The following ABCC11 variants were observed in gnomAD, a reference collection of about 807,000 sequenced individuals.
ABCC11 encodes ATP-binding cassette sub-family C member 11.
In ABCC11, 135 loss-of-function variants were observed where a neutral mutation model predicts 149.3. The observed-to-expected ratio is 0.90, with a 90% CI of 0.79 to 1.04. The LOEUF (loss-of-function observed/expected upper bound fraction) is 1.04. Among genes scored for constraint, ABCC11 ranks in the 50% least tolerant of loss-of-function variants. The pLI, the probability that ABCC11 is intolerant of heterozygous loss-of-function variation, is 0.00. For missense variants in ABCC11, 1,680 were observed against 1,722.1 expected, an observed-to-expected ratio of 0.98 and a Z score of 0.43; for synonymous variants, 665 against 671.4, an observed-to-expected ratio of 0.99 and a Z score of 0.15.
intron 17 of ABCC11, among the ~76,000 whole-genome samples, chr16:48,196,879 G>A (rs577405323): frequency 7.2e-5 from 11 of 152,274 alleles, no homozygotes; most frequent in South Asian, 4.1e-4. Flanking sequence ...CAAACATCAC[G>A]ACAGTGACTG....
intron 5 of ABCC11, 115 bp from the exon 6 acceptor site, chr16:48,222,946 T>C: frequency 2.2e-6 from 2 of 894,806 alleles, no homozygotes; most frequent in South Asian, 1.7e-5. Context: ...TGTTGAAGGA[T>C]CAAAACTGAC....
intron 1 of ABCC11, among the ~76,000 whole-genome samples, chr16:48,240,484 T>A (rs925825095): frequency 1.3e-5 from 2 of 151,540 alleles, no homozygotes; most frequent in African/African-American, 4.9e-5. Context: ...TGAGAACACA[T>A]GGTCACATGG....
At chr16:48,199,329 C>T (rs1967724409) in intron 15 of ABCC11, among the ~76,000 whole-genome samples, 1 of 151,728 alleles carries the variant, frequency 6.6e-6, no homozygotes, top group Non-Finnish European at 1.5e-5. Context: ...ATTGTTTAAT[C>T]TGGGTGGTAG....
At chr16:48,180,417 A>G (rs1966355333) in intron 23 of ABCC11, among the ~76,000 whole-genome samples, 1 of 152,244 alleles carries the variant, frequency 6.6e-6, no homozygotes, top group African/African-American at 2.4e-5. Flanking sequence ...ACAGAAAGGT[A>G]GAACGATCAA....
intron 3 of ABCC11, among the ~76,000 whole-genome samples, chr16:48,229,871 C>T (rs1340373666): frequency 1.3e-5 from 2 of 152,182 alleles, no homozygotes; most frequent in African/African-American, 2.4e-5. Context: ...TGACACTGGC[C>T]TCCTTCTTTC....
At chr16:48,227,756 C>T (rs760769849) in intron 4 of ABCC11, 50 bp downstream of exon 4, 1 of 1,610,330 alleles carries the variant, frequency 6.2e-7, no homozygotes, top group South Asian at 1.1e-5. Flanking sequence ...ATTATCCCAC[C>T]AAGAGATTGT....
At chr16:48,170,995 C>T (rs1965682415) in intron 26 of ABCC11, 28 bp from the exon 27 acceptor site, 2 of 1,553,524 alleles carry the variant, frequency 1.3e-6, no homozygotes, top group Non-Finnish European at 1.8e-6. Context: ...GAGAAGTGTT[C>T]AACAACATCA....
chr16:48,220,894 T>C (rs1969689509), intron 6 of ABCC11, among the ~76,000 whole-genome samples: 1 of 152,200 alleles, frequency 6.6e-6, no homozygotes, highest in Non-Finnish European at 1.5e-5. Flanking sequence ...TTTGTGTCTT[T>C]GAAGGGGGCT....
intron 1 of ABCC11, 86 bp from the exon 2 acceptor site, chr16:48,232,025 G>A (rs1970452980): frequency 2.5e-5 from 40 of 1,575,992 alleles, no homozygotes; most frequent in Non-Finnish European, 3.4e-5. Flanking sequence ...AGAAGAGGGG[G>A]CACTACCCTG....
In ABCC11 at chr16:48,193,879, C is replaced by T; in HGVS notation, c.2508G>A (p.Gly836=). 2 of 1,612,914 alleles carry T rather than the reference C, an allele frequency of 1.2e-6. No homozygotes were observed. Among genetic ancestry groups the T allele is most frequent in the South Asian group, 2.2e-5 (2 of 90,982 alleles). ...AGCCCATCCACCTCATGGCACTCAC[C>T]CCCGAGCCCTGCTCCAACCAGTAGC... The part of the protein sequence containing the change: ...WLSYWLEQGS[G]TNSSRESNGT... Residue 836 remains glycine, a splice_region_variant and synonymous_variant, in exon 19 of 30, where the codon GGG becomes GGA. Coordinates refer to ENST00000356608, the MANE Select transcript of ABCC11 (RefSeq NM_001370497.1).
At position 48,213,552 on chromosome 16, in the gene ABCC11, T is replaced by C. The variant is rs1350447534; in HGVS notation, c.1249-2A>G. The C allele has an allele frequency of 6.2e-7, 1 of 1,606,322 alleles. No homozygotes were observed. Among genetic ancestry groups the C allele is most frequent in the South Asian group, 1.1e-5 (1 of 89,608 alleles). On this transcript the variant is annotated splice_acceptor_variant, in intron 9 of 29. Coordinates refer to ENST00000356608, the MANE Select transcript of ABCC11 (RefSeq NM_001370497.1). LOFTEE classifies it high-confidence loss of function. Reference sequence around the variant, plus strand: ...CAAGGAGGCCAGCATGCTGAAGGCCTGGATAAGAAGGGGAGGAGGTGGTGA... The same window carrying C: ...CAAGGAGGCCAGCATGCTGAAGGCCCGGATAAGAAGGGGAGGAGGTGGTGA...
rs1965394849 is a variant in ABCC11 at position 48,167,348 on chromosome 16, G to T, written c.4075C>A (p.Pro1359Thr). 4.9e-6 allele frequency: 6 copies of T among 1,226,358 alleles called. No homozygotes were observed. The highest frequency in any genetic ancestry group is 6.1e-6 in the Non-Finnish European group (5 of 825,966). 76.0% of individuals were successfully genotyped at this position (1,226,358 alleles called of 1,614,324 possible). The stretch of plus-strand genomic sequence containing the variant: ...CCAGGCTTCTTCCGCAGTACCTCCG[G>T]CCGATCAAATTCTACCACCTGGAGG... ...GNGKVVEFDR[P>T]EVLRKKPGSL... Residue 1359 changes from proline (P) to threonine (T), a missense_variant, in exon 30 of 30, where the codon CCG becomes ACG. Physicochemically the swap from Pro to Thr is conservative, Grantham distance 38. Transcript: ENST00000356608.
chr16:48,192,473 A>T (rs780050239), intron 20 of ABCC11, 47 bp downstream of exon 20: 1 of 1,568,252 alleles, frequency 6.4e-7, no homozygotes, highest in Non-Finnish European at 8.7e-7. Context: ...GAAGCTGGGC[A>T]AGTTCAGAGC....
chr16:48,206,526 T>C lies in ABCC11; in HGVS notation c.1681-989A>G, dbSNP rs545288742. Among the ~76,000 whole-genome samples the C allele has an allele frequency of 7.9e-5, 12 of 152,362 alleles. No individual in the cohort carries two copies. The South Asian group carries it at 1.4e-3, about 18-fold the overall frequency. On this transcript the variant is annotated intron_variant, in intron 12 of 29. Transcript: ENST00000356608. ...CTTGGGACCTCATCATTCTTAATCC[T>C]TTCTCTTTTATACCCTAAAATGTTT... is the stretch of plus-strand genomic sequence containing the variant.
chr16:48,218,006 T>C (rs1344099505), intron 6 of ABCC11, among the ~76,000 whole-genome samples: 1 of 152,092 alleles, frequency 6.6e-6, no homozygotes, highest in African/African-American at 2.4e-5. Flanking sequence ...ATTTAAAAAG[T>C]CCATCCCAGG....
chr16:48,202,802 G>A (rs558797302), intron 14 of ABCC11, among the ~76,000 whole-genome samples: 21 of 152,126 alleles, frequency 1.4e-4, no homozygotes, highest in African/African-American at 3.6e-4. Context: ...CTTTTATCTC[G>A]GGTGAGGGTC....
chr16:48,187,437 C>CA lies in ABCC11; in HGVS notation c.2707-11dup. The stretch of plus-strand genomic sequence containing the variant: ...TGGGGCAGCGGAAAACCTGCAGGGA[C>CA]AAAATCAACGCAGACCATGAGAGAA... On this transcript the variant is annotated splice_polypyrimidine_tract_variant and intron_variant, in intron 20 of 29. Coordinates refer to ENST00000356608, the MANE Select transcript of ABCC11 (RefSeq NM_001370497.1). The CA allele has an allele frequency of 1.9e-6, 3 of 1,598,978 alleles. No homozygotes were observed. Among genetic ancestry groups the CA allele is most frequent in the Non-Finnish European group, 2.6e-6 (3 of 1,170,836 alleles).
chr16:48,244,506 C>G, intron 1 of ABCC11: 1 of 1,595,262 alleles, frequency 6.3e-7, no homozygotes. Flanking sequence ...CCGCAACCTG[C>G]AGCTGGTGCG....
At chr16:48,174,971 G>A (rs996628297) in intron 26 of ABCC11, among the ~76,000 whole-genome samples, 15 of 152,162 alleles carry the variant, frequency 9.9e-5, no homozygotes, top group South Asian at 2.1e-4. Flanking sequence ...CAAATAGCTC[G>A]GACTACGGCT....
Sources: allele counts gnomAD v4.1 joint callset (sites outside exome capture counted in the v4.1 genomes callset), GRCh38; gene constraint gnomAD v4.1.1; transcripts MANE v1.5; gene names NCBI Gene and HGNC (gene_info 2026-07-23, HGNC 2026-07-21).